Variants in AGMO observed in about 807,000 individuals in gnomAD.
The protein encoded by AGMO is glyceryl-ether monooxygenase.
Under a neutral mutation model 60.2 loss-of-function variants are expected in AGMO, and 75 were observed. That is an observed-to-expected ratio of 1.25 (90% CI 1.03 to 1.51). The LOEUF is 1.51. Among genes scored for constraint, AGMO ranks in the 40% most tolerant of loss-of-function variants. The probability of loss-of-function intolerance (pLI) is 0.00; values close to 1 mark genes in which losing one functional copy is unlikely to be tolerated. For synonymous variants in AGMO, 261 were observed against 177.1 expected (o/e 1.47, Z -3.76); for missense variants, 763 against 525.5 (o/e 1.45, Z -4.42).
chr7:15,495,296 C>T (rs1783191686), intron 3 of AGMO, among the ~76,000 whole-genome samples: 1 of 152,160 alleles, frequency 6.6e-6, no homozygotes, highest in African/African-American at 2.4e-5. Flanking sequence ...TTAGGCTTGG[C>T]AATGCCCAAT....
intron 12 of AGMO, among the ~76,000 whole-genome samples, chr7:15,227,841 AG>A (rs1782135451): frequency 6.6e-6 from 1 of 152,134 alleles, no homozygotes; most frequent in African/African-American, 2.4e-5. Context: ...AATCAGCACA[AG>A]GTGACAGATT....
intron 2 of AGMO, among the ~76,000 whole-genome samples, chr7:15,554,006 A>G (rs976089202): frequency 2.0e-5 from 3 of 152,102 alleles, no homozygotes; most frequent in Admixed American, 2.0e-4. Flanking sequence ...AATTAATTTG[A>G]TCCCCTTTTA....
chr7:15,195,539 G>A (rs1477374158), downstream of AGMO, among the ~76,000 whole-genome samples: 3 of 152,146 alleles, frequency 2.0e-5, no homozygotes, highest in Admixed American at 6.5e-5. Flanking sequence ...CTTGGCTGGC[G>A]CCATGTTGTC....
chr7:15,144,403 A>T, the AGMO span, among the ~76,000 whole-genome samples: 1 of 152,218 alleles, frequency 6.6e-6, no homozygotes, highest in African/African-American at 2.4e-5. Context: ...GAAACTGAAA[A>T]ATTAAAAAAT....
intron 4 of AGMO, among the ~76,000 whole-genome samples, chr7:15,429,113 G>A (rs1476626203): frequency 1.3e-5 from 2 of 152,030 alleles, no homozygotes; most frequent in Non-Finnish European, 2.9e-5. Context: ...ATCATCCAGA[G>A]TTCCAGCATA....
At chr7:15,482,351 TA>T (rs1451253286) in intron 3 of AGMO, among the ~76,000 whole-genome samples, 1 of 152,056 alleles carries the variant, frequency 6.6e-6, no homozygotes, top group African/African-American at 2.4e-5. Flanking sequence ...CTACAGATCT[TA>T]AAAAAAGTTA....
intron 12 of AGMO, among the ~76,000 whole-genome samples, chr7:15,297,468 A>C (rs900205617): frequency 7.9e-5 from 12 of 152,112 alleles, no homozygotes; most frequent in Non-Finnish European, 1.2e-4. Context: ...GCATCTAATG[A>C]CTCATGAGTG....
intron 12 of AGMO, among the ~76,000 whole-genome samples, chr7:15,329,498 T>C (rs1781439570): frequency 6.6e-6 from 1 of 152,186 alleles, no homozygotes; most frequent in South Asian, 2.1e-4. Flanking sequence ...AAATACGTCC[T>C]TAGTGGGAAA....
chr7:15,453,604 C>T (rs924017660), intron 3 of AGMO, among the ~76,000 whole-genome samples: 8 of 152,072 alleles, frequency 5.3e-5, no homozygotes, highest in African/African-American at 1.9e-4. Context: ...AGCATTTCTC[C>T]GGGTAAAAAA....
chr7:15,352,957 A>ATT (rs1563103870), intron 12 of AGMO, among the ~76,000 whole-genome samples: 4 of 152,120 alleles, frequency 2.6e-5, no homozygotes, highest in Admixed American at 6.6e-5. Flanking sequence ...CGCAGCGGCC[A>ATT]TCTTGTTACT....
chr7:15,316,865 G>C (rs1263920814), intron 12 of AGMO, among the ~76,000 whole-genome samples: 1 of 152,096 alleles, frequency 6.6e-6, no homozygotes. Context: ...ATTTTAGACA[G>C]TATGTAGACG....
At chr7:15,550,414 C>T (rs192706689) in intron 2 of AGMO, among the ~76,000 whole-genome samples, 10,408 of 151,862 alleles carry the variant, frequency 0.069, 467 homozygotes, top group African/African-American at 0.12. Flanking sequence ...ATTGATAGAC[C>T]GCTAGCAAGA....
the AGMO span, among the ~76,000 whole-genome samples, chr7:15,188,715 GA>G: frequency 0.032 from 4,868 of 152,236 alleles, 113 homozygotes; most frequent in Middle Eastern, 0.054. Flanking sequence ...TGAGTTCATA[GA>G]AAAGCAGATA....
At chr7:15,271,142 G>C (rs1783599289) in intron 12 of AGMO, among the ~76,000 whole-genome samples, 1 of 152,004 alleles carries the variant, frequency 6.6e-6, no homozygotes, top group Non-Finnish European at 1.5e-5. Context: ...GGACTGCTTT[G>C]GCTATTTTGG....
intron 3 of AGMO, among the ~76,000 whole-genome samples, chr7:15,534,624 C>G (rs950342256): frequency 2.0e-5 from 3 of 151,756 alleles, no homozygotes; most frequent in Non-Finnish European, 4.4e-5. Flanking sequence ...AAGATAATTC[C>G]ATTACAATTT....
chr7:15,531,380 T>TA (rs1247627873), intron 3 of AGMO, among the ~76,000 whole-genome samples: 53 of 92,000 alleles, frequency 5.8e-4, no homozygotes, highest in African/African-American at 2.4e-3. Flanking sequence ...TCTATATATA[T>TA]TCTATATATA....
chr7:15,493,362 C>CACACACACACACACACACACACAT (rs71004386), intron 3 of AGMO, among the ~76,000 whole-genome samples: 3 of 102,258 alleles, frequency 2.9e-5, no homozygotes, highest in African/African-American at 1.2e-4. Flanking sequence ...CACACACACA[C>CACACACACACACACACACACACAT]TTCTTTTTTT....
intron 10 of AGMO, among the ~76,000 whole-genome samples, chr7:15,372,243 G>T (rs145135371): frequency 6.6e-6 from 1 of 152,004 alleles, no homozygotes. Flanking sequence ...TTGAGGTCAG[G>T]AGTTCAGGAC....
intron 3 of AGMO, among the ~76,000 whole-genome samples, chr7:15,437,454 C>T (rs1403539013): frequency 6.6e-6 from 1 of 151,688 alleles, no homozygotes. Context: ...TTGTTCCACA[C>T]ATTTTGTATA....
Sources: allele counts gnomAD v4.1 joint callset (sites outside exome capture counted in the v4.1 genomes callset), GRCh38; gene constraint gnomAD v4.1.1; transcripts MANE v1.5; gene names NCBI Gene and HGNC (gene_info 2026-07-23, HGNC 2026-07-21).